TFB2M: variants seen among roughly 807,000 people sequenced by gnomAD.
TFB2M encodes the protein dimethyladenosine transferase 2, mitochondrial.
In TFB2M, 44 loss-of-function variants were observed where a neutral mutation model predicts 41.3. The ratio of observed to expected loss-of-function variants is 1.07; its 90% CI spans 0.84 to 1.37. TFB2M has a LOEUF of 1.37. Among genes scored for constraint, TFB2M ranks in the 40% most tolerant of loss-of-function variants. The pLI, the probability that TFB2M is intolerant of heterozygous loss-of-function variation, is 0.00. For synonymous variants in TFB2M, 188 were observed against 176.8 expected, an observed-to-expected ratio of 1.06 and a Z score of -0.50; for missense variants, 496 against 490.2, an observed-to-expected ratio of 1.01 and a Z score of -0.11.
chr1:246,549,362 G>C (rs771466815), intron 5 of TFB2M, among the ~76,000 whole-genome samples: 2 of 152,262 alleles, frequency 1.3e-5, no homozygotes, highest in Non-Finnish European at 2.9e-5. Flanking sequence ...GAGGAGGACC[G>C]CTTGAGCTCA....
rs557846238 is a variant in TFB2M at position 246,543,833 on chromosome 1, T to G, written c.1019+688A>C. Among the ~76,000 whole-genome samples, 292 of 152,140 alleles carry G rather than the reference T, an allele frequency of 1.9e-3. 1 individual carries two copies. Among genetic ancestry groups the G allele is most frequent in the African/African-American group, 6.9e-3 (288 of 41,506 alleles). ...TATAAAAATTTTATATTTTTACAAA[T>G]ATAAAAATTAGCCGGGCGTGGTGGT... On this transcript the variant is annotated intron_variant, in intron 7 of 7. Transcript: ENST00000366514.
At position 246,566,232 on chromosome 1, in the gene TFB2M, T is replaced by C. The variant is rs1248642535; in HGVS notation, c.-94A>G. ...ATCCCACGTGGAACATTTTCTGGCG[T>C]CCGGGCCAGGTCAAGCGGAAGTAAA... On this transcript the variant is annotated 5_prime_UTR_variant, in exon 1 of 8. Transcript: ENST00000366514. 3.8e-6 allele frequency: 5 copies of C among 1,332,308 alleles called. No homozygotes were observed. The highest frequency in any genetic ancestry group is 4.8e-5 in the East Asian group (2 of 41,502). 82.5% of individuals were successfully genotyped at this position (1,332,308 alleles called of 1,614,324 possible).
In TFB2M at chr1:246,561,757, C is replaced by T. The variant is rs117517956; in HGVS notation, c.402+2589G>A. Among the ~76,000 whole-genome samples, 487 of 152,312 alleles carry T rather than the reference C, an allele frequency of 3.2e-3. 4 individuals carry two copies. The highest frequency in any genetic ancestry group is 0.029 in the East Asian group (151 of 5,194). ...GTGCTGGGATTACAGGCATGGGCCTCGGTCCTCAGCCTTGAAGATCTTATA... is the reference window on the plus strand; with the variant it reads ...GTGCTGGGATTACAGGCATGGGCCTTGGTCCTCAGCCTTGAAGATCTTATA... On this transcript the variant is annotated intron_variant, in intron 2 of 7. Coordinates refer to ENST00000366514, the MANE Select transcript of TFB2M (RefSeq NM_022366.3).
intron 6 of TFB2M, among the ~76,000 whole-genome samples, chr1:246,547,710 T>C (rs1659060645): frequency 6.6e-6 from 1 of 152,072 alleles, no homozygotes; most frequent in African/African-American, 2.4e-5. Flanking sequence ...AGGCATCTAA[T>C]TCTAAAGTGA....
chr1:246,561,919 A>G (rs1659465699), intron 2 of TFB2M, among the ~76,000 whole-genome samples: 1 of 152,180 alleles, frequency 6.6e-6, no homozygotes, highest in Non-Finnish European at 1.5e-5. Flanking sequence ...AATCAGGATA[A>G]AAGTTATCTT....
intron 2 of TFB2M, among the ~76,000 whole-genome samples, chr1:246,562,055 A>G (rs1280084583): frequency 1.3e-5 from 2 of 152,228 alleles, no homozygotes; most frequent in African/African-American, 4.8e-5. Context: ...CAGATTTAAC[A>G]TCAATTAAAT....
At chr1:246,557,245 C>T (rs1659348168) in intron 3 of TFB2M, 136 bp downstream of exon 3, 1 of 1,013,414 alleles carries the variant, frequency 9.9e-7, no homozygotes, top group South Asian at 1.7e-5. Flanking sequence ...TGCACTCCAG[C>T]CTGGGTGACA....
chr1:246,566,244 C>A lies in TFB2M; in HGVS notation c.-106G>T, dbSNP rs1398648337. 3.4e-6 allele frequency: 4 copies of A among 1,179,842 alleles called. No individual in the cohort carries two copies. Among genetic ancestry groups the A allele is most frequent in the Non-Finnish European group, 4.7e-6 (4 of 843,102 alleles). 73.1% of individuals were successfully genotyped at this position (1,179,842 alleles called of 1,614,324 possible). A position where few individuals can be genotyped will look rare whatever the true frequency, so the allele number is the denominator to read the frequency against. On this transcript the variant is annotated 5_prime_UTR_variant, in exon 1 of 8. Coordinates refer to ENST00000366514, the MANE Select transcript of TFB2M (RefSeq NM_022366.3). ...ACATTTTCTGGCGTCCGGGCCAGGT[C>A]AAGCGGAAGTAAACACTAGAGCCTG...
At chr1:246,551,967 G>A (rs1243344762) in intron 4 of TFB2M, among the ~76,000 whole-genome samples, 1 of 152,154 alleles carries the variant, frequency 6.6e-6, no homozygotes, top group Non-Finnish European at 1.5e-5. Flanking sequence ...TACTAAATGG[G>A]TCTGGGGGAG....
intron 4 of TFB2M, among the ~76,000 whole-genome samples, chr1:246,553,824 G>C (rs1162562914): frequency 6.6e-6 from 1 of 152,146 alleles, no homozygotes; most frequent in African/African-American, 2.4e-5. Context: ...AAATCCTAAC[G>C]CATTTTGGAG....
chr1:246,550,100 G>A (rs11806038), intron 5 of TFB2M, among the ~76,000 whole-genome samples: 33 of 152,156 alleles, frequency 2.2e-4, no homozygotes, highest in Non-Finnish European at 4.1e-4. Flanking sequence ...ACCTTTGAAA[G>A]CAAATACTAA....
intron 2 of TFB2M, among the ~76,000 whole-genome samples, chr1:246,560,312 A>T (rs1426232989): frequency 6.6e-6 from 1 of 152,202 alleles, no homozygotes; most frequent in Non-Finnish European, 1.5e-5. Context: ...TTGTAGTCCC[A>T]GGAGTTTGAG....
chr1:246,548,502 G>A (rs370339383), intron 6 of TFB2M, 43 bp downstream of exon 6: 47 of 1,523,794 alleles, frequency 3.1e-5, no homozygotes, highest in East Asian at 1.8e-4. Context: ...TAAAAAATAC[G>A]TCACGTAGGG....
At chr1:246,558,584 G>C (rs989495750) in intron 2 of TFB2M, among the ~76,000 whole-genome samples, 1 of 152,180 alleles carries the variant, frequency 6.6e-6, no homozygotes, top group African/African-American at 2.4e-5. Context: ...AGAACTGTGA[G>C]CCATCTGCTT....
intron 5 of TFB2M, 127 bp downstream of exon 5, chr1:246,551,086 G>C (rs956947654): frequency 1.5e-6 from 1 of 680,026 alleles, no homozygotes; most frequent in Non-Finnish European, 2.6e-6. Context: ...AAGGTGAGAG[G>C]ATCACTTGAG....
At position 246,562,233 on chromosome 1, in the gene TFB2M, T is replaced by C. The variant is rs191152457; in HGVS notation, c.402+2113A>G. Reference sequence around the variant, plus strand: ...AGCCATTCTGCATGGTTTCACAAAGTTGGCATAGAGAAATATAAGTTTCCT... The same window carrying C: ...AGCCATTCTGCATGGTTTCACAAAGCTGGCATAGAGAAATATAAGTTTCCT... On this transcript the variant is annotated intron_variant, in intron 2 of 7. Transcript: ENST00000366514. 2.4e-3 allele frequency among the ~76,000 whole-genome samples: 367 copies of C among 152,306 alleles called. 2 individuals are homozygous for C. Among genetic ancestry groups the C allele is most frequent in the African/African-American group, 7.7e-3 (320 of 41,572 alleles).
intron 7 of TFB2M, among the ~76,000 whole-genome samples, chr1:246,542,515 C>G (rs1430687509): frequency 6.6e-6 from 1 of 151,934 alleles, no homozygotes. Flanking sequence ...CTACAAAAAT[C>G]GTAAAAAGTT....
intron 5 of TFB2M, among the ~76,000 whole-genome samples, chr1:246,550,837 C>T (rs187714719): frequency 5.9e-5 from 9 of 152,248 alleles, no homozygotes; most frequent in Admixed American, 2.6e-4. Flanking sequence ...GAGCCGAGAT[C>T]GAACCACTGC....
chr1:246,548,629 AAAC>A (rs773183934), intron 5 of TFB2M, 22 bp from the exon 6 acceptor site: 5 of 1,605,934 alleles, frequency 3.1e-6, no homozygotes, highest in East Asian at 2.2e-5. Flanking sequence ...AAACAAAGCA[AAAC>A]AACATCTTTT....
Sources: gnomAD v4.1 joint callset for allele counts (sites outside exome capture counted in the v4.1 genomes callset) on GRCh38, gnomAD v4.1.1 for gene constraint, MANE v1.5 for transcripts, NCBI Gene and HGNC (gene_info 2026-07-23, HGNC 2026-07-21) for gene names.